KAZN: variants seen among roughly 807,000 people sequenced by gnomAD.
KAZN encodes kazrin.
KAZN carries 40 observed loss-of-function variants against 87.4 expected under a neutral mutation model. The observed-to-expected ratio is 0.46, with a 90% CI of 0.36 to 0.60. The LOEUF (loss-of-function observed/expected upper bound fraction) is 0.60, where lower values mean the gene tolerates loss of function less well. Ranked by LOEUF, KAZN falls within the 20% of genes least tolerant of loss-of-function variation. The pLI, the probability that KAZN is intolerant of heterozygous loss-of-function variation, is 0.00. For missense variants in KAZN, 898 were observed against 1,073.9 expected (o/e 0.84, Z 2.29); for synonymous variants, 466 against 458.3 (o/e 1.02, Z -0.22).
At chr1:13,924,021 G>C (rs968490021) in intron 1 of KAZN, among the ~76,000 whole-genome samples, 17 of 152,092 alleles carry the variant, frequency 1.1e-4, no homozygotes, top group African/African-American at 4.1e-4. Flanking sequence ...ATGGATGGGA[G>C]GGCCAAATAT....
At chr1:14,211,792 C>T (rs1198550196) in intron 2 of KAZN, among the ~76,000 whole-genome samples, 1 of 152,052 alleles carries the variant, frequency 6.6e-6, no homozygotes, top group Admixed American at 6.5e-5. Flanking sequence ...AATTTATCAG[C>T]TTACCACTTG....
At chr1:14,471,465 C>G (rs150967734) in intron 2 of KAZN, among the ~76,000 whole-genome samples, 1 of 152,236 alleles carries the variant, frequency 6.6e-6, no homozygotes, top group Non-Finnish European at 1.5e-5. Flanking sequence ...GACATTGCAT[C>G]GACTTTGGCT....
At chr1:14,793,125 C>A (rs75376239) in intron 1 of KAZN, among the ~76,000 whole-genome samples, 9,899 of 152,094 alleles carry the variant, frequency 0.065, 389 homozygotes, top group African/African-American at 0.08. Flanking sequence ...TAGGAATGGA[C>A]CCCCGACTTC....
At chr1:14,759,667 G>A (rs1001151226) in intron 1 of KAZN, among the ~76,000 whole-genome samples, 5 of 152,170 alleles carry the variant, frequency 3.3e-5, no homozygotes, top group African/African-American at 1.2e-4. Flanking sequence ...ACCACTGGCA[G>A]GAGGAAGGAG....
In KAZN at chr1:14,854,232, G is replaced by A. The variant is rs530585583; in HGVS notation, c.227-106452G>A. Among the ~76,000 whole-genome samples, 2 of 152,320 alleles carry A rather than the reference G, an allele frequency of 1.3e-5. 1 individual carries two copies. Among genetic ancestry groups the A allele is most frequent in the South Asian group, 4.1e-4 (2 of 4,826 alleles). ...TACCCAACAAATGCTTGTTGAGCTT[G>A]CATGTTGACTGGTGAGTGCTTCCAG... On this transcript the variant is annotated intron_variant, in intron 1 of 14. Transcript: ENST00000376030.
chr1:15,047,780 A>AG (rs1240547078), intron 4 of KAZN, among the ~76,000 whole-genome samples: 1 of 152,020 alleles, frequency 6.6e-6, no homozygotes, highest in Non-Finnish European at 1.5e-5. Flanking sequence ...CAAAAAAAAA[A>AG]GAAGCCCCCC....
At chr1:13,940,436 A>T (rs1285019924) in intron 1 of KAZN, among the ~76,000 whole-genome samples, 2 of 152,220 alleles carry the variant, frequency 1.3e-5, no homozygotes, top group Non-Finnish European at 2.9e-5. Flanking sequence ...AGAGATGCTC[A>T]TAGTAGTCTC....
intron 2 of KAZN, among the ~76,000 whole-genome samples, chr1:14,565,127 A>T (rs1314792797): frequency 2.0e-5 from 3 of 152,088 alleles, no homozygotes; most frequent in East Asian, 1.9e-4. Context: ...ACAGTTGGAG[A>T]CCCCTAGGTA....
rs1641883056 is a variant in KAZN, at chr1:15,117,474, C to G, written c.*2839C>G. 1 of 152,532 alleles carries G rather than the reference C, an allele frequency of 6.6e-6. No homozygotes were observed. The highest frequency in any genetic ancestry group is 1.5e-5 in the Non-Finnish European group (1 of 68,304). The allele number at this position is 152,532 out of a possible 1,614,324, so 9.4% of individuals were successfully genotyped here. On this transcript the variant is annotated 3_prime_UTR_variant, in exon 15 of 15. Transcript: ENST00000376030. ...GTCTGTCTGTTGGCATCGCTGTTTT[C>G]AGACCCCAGGCTGCAGAGGAGGGGA...
intron 1 of KAZN, among the ~76,000 whole-genome samples, chr1:14,821,814 T>C (rs1184549449): frequency 6.6e-6 from 1 of 152,148 alleles, no homozygotes; most frequent in Non-Finnish European, 1.5e-5. Flanking sequence ...TGTCACCAGC[T>C]GAATCTCCCT....
rs771566429 is a variant in KAZN, at chr1:14,814,919, G to A, written c.227-145765G>A. 2.8e-4 allele frequency among the ~76,000 whole-genome samples: 43 copies of A among 152,268 alleles called. 1 individual carries two copies. Among genetic ancestry groups the A allele is most frequent in the South Asian group, 2.5e-3 (12 of 4,826 alleles). On this transcript the variant is annotated intron_variant, in intron 1 of 14. Coordinates refer to ENST00000376030, the MANE Select transcript of KAZN (RefSeq NM_201628.3). ...TGCTGGAGATGATTAATAATACCTC[G>A]TTCAGGGGTCATGTTGAGAATTAAA...
chr1:14,212,089 A>C (rs984246662), intron 2 of KAZN, among the ~76,000 whole-genome samples: 1 of 152,124 alleles, frequency 6.6e-6, no homozygotes, highest in Admixed American at 6.6e-5. Flanking sequence ...CACTCCTTCC[A>C]TTGATAATGT....
At chr1:14,076,950 C>T (rs1643484405) in intron 1 of KAZN, among the ~76,000 whole-genome samples, 1 of 152,086 alleles carries the variant, frequency 6.6e-6, no homozygotes, top group African/African-American at 2.4e-5. Flanking sequence ...CTGTCGCTTG[C>T]CCTGGGATGC....
chr1:14,022,978 C>A (rs1470319266), intron 1 of KAZN, among the ~76,000 whole-genome samples: 1 of 152,072 alleles, frequency 6.6e-6, no homozygotes, highest in Non-Finnish European at 1.5e-5. Flanking sequence ...CTATTTCCCA[C>A]CTGGTATGAT....
intron 3 of KAZN, among the ~76,000 whole-genome samples, chr1:15,039,041 C>G (rs12139352): frequency 0.19 from 26,849 of 138,726 alleles, 3,474 homozygotes; most frequent in Non-Finnish European, 0.23. Context: ...TGTGCATCTA[C>G]TGTATACAGA....
chr1:15,093,488 A>G (rs1252282548), intron 8 of KAZN, among the ~76,000 whole-genome samples: 1 of 152,038 alleles, frequency 6.6e-6, no homozygotes. Flanking sequence ...AGAAGCACAC[A>G]GTTTCATGTA....
chr1:14,907,310 G>T (rs1327445702), intron 1 of KAZN, among the ~76,000 whole-genome samples: 1 of 151,486 alleles, frequency 6.6e-6, no homozygotes, highest in Non-Finnish European at 1.5e-5. Flanking sequence ...GCTGCGGTGG[G>T]AAGATTGCTT....
At chr1:14,962,512 C>T (rs571886391) in intron 2 of KAZN, among the ~76,000 whole-genome samples, 6 of 152,180 alleles carry the variant, frequency 3.9e-5, no homozygotes, top group Non-Finnish European at 7.4e-5. Flanking sequence ...CCATCCTCCA[C>T]GCCCAGCTTC....
At chr1:14,191,799 T>A (rs529627238) in intron 2 of KAZN, among the ~76,000 whole-genome samples, 6 of 152,236 alleles carry the variant, frequency 3.9e-5, no homozygotes, top group South Asian at 2.1e-4. Flanking sequence ...AGACTGTTAG[T>A]GGAAACTGCA....
Sources: allele counts gnomAD v4.1 joint callset (sites outside exome capture counted in the v4.1 genomes callset), GRCh38; gene constraint gnomAD v4.1.1; transcripts MANE v1.5; gene names NCBI Gene and HGNC (gene_info 2026-07-23, HGNC 2026-07-21).